The following PDE5A variants were observed in gnomAD, a reference collection of about 807,000 sequenced individuals.
The protein encoded by PDE5A is phosphodiesterase 5A, also known as cGMP-specific 3',5'-cyclic phosphodiesterase.
In PDE5A, 67 loss-of-function variants were observed where a neutral mutation model predicts 110.2. The ratio of observed to expected loss-of-function variants is 0.61; its 90% CI spans 0.50 to 0.75. The LOEUF is 0.75. PDE5A is among the 30% of genes least tolerant of loss of function. The probability of loss-of-function intolerance (pLI) is 0.00; values close to 1 mark genes in which losing one functional copy is unlikely to be tolerated. For synonymous variants in PDE5A, 328 were observed against 351.2 expected (o/e 0.93, Z 0.74); for missense variants, 862 against 1,045.1 (o/e 0.82, Z 2.42).
intron 7 of PDE5A, among the ~76,000 whole-genome samples, chr4:119,555,850 C>G (rs1727517308): frequency 6.6e-6 from 1 of 152,104 alleles, no homozygotes; most frequent in Admixed American, 6.5e-5. Context: ...CTGATGGTTA[C>G]TTTAAGTGAA....
rs1560612966 is a variant in PDE5A, at chr4:119,553,625, T to C, written c.1308+13A>G. The C allele has an allele frequency of 6.2e-6, 8 of 1,284,700 alleles. No individual in the cohort carries two copies. Among genetic ancestry groups the C allele is most frequent in the East Asian group, 4.6e-5 (2 of 43,176 alleles). 79.6% of individuals were successfully genotyped at this position (1,284,700 alleles called of 1,614,324 possible). A position where few individuals can be genotyped will look rare whatever the true frequency, so the allele number is the denominator to read the frequency against. On this transcript the variant is annotated intron_variant, in intron 8 of 20. Transcript: ENST00000354960. ...CAGCCTTCTAGCTTCAAGTCTAAAA[T>C]TGGGTTACTTACTGTCCAGGGAAAT...
At chr4:119,582,335 T>C (rs1335887684) in intron 3 of PDE5A, among the ~76,000 whole-genome samples, 1 of 152,166 alleles carries the variant, frequency 6.6e-6, no homozygotes, top group Non-Finnish European at 1.5e-5. Context: ...AGTTTTATCA[T>C]GAGATTGCGG....
At chr4:119,603,010 CAT>C (rs1262752382) in intron 2 of PDE5A, among the ~76,000 whole-genome samples, 2 of 152,140 alleles carry the variant, frequency 1.3e-5, no homozygotes, top group African/African-American at 4.8e-5. Flanking sequence ...ATCCTTAAGA[CAT>C]ATGAATCATG....
chr4:119,547,477 A>G (rs925745562), intron 9 of PDE5A, among the ~76,000 whole-genome samples: 1 of 151,824 alleles, frequency 6.6e-6, no homozygotes, highest in Admixed American at 6.6e-5. Flanking sequence ...TGGGGAAGGC[A>G]ACAGAGTGAG....
At chr4:119,529,410 C>T (rs1015094745) in intron 11 of PDE5A, among the ~76,000 whole-genome samples, 5 of 152,126 alleles carry the variant, frequency 3.3e-5, no homozygotes, top group Admixed American at 3.3e-4. Context: ...AGACAGCTAA[C>T]AAAAATACAT....
intron 5 of PDE5A, among the ~76,000 whole-genome samples, chr4:119,564,181 T>C (rs766424687): frequency 6.6e-6 from 1 of 151,926 alleles, no homozygotes; most frequent in Non-Finnish European, 1.5e-5. Flanking sequence ...TTGTAGATAA[T>C]AAATATAGCT....
intron 1 of PDE5A, among the ~76,000 whole-genome samples, chr4:119,623,935 A>G (rs539024466): frequency 1.3e-5 from 2 of 152,348 alleles, no homozygotes; most frequent in Admixed American, 6.5e-5. Flanking sequence ...AGGCTCTAAC[A>G]TGGGTCTGAA....
intron 5 of PDE5A, among the ~76,000 whole-genome samples, 165 bp from the exon 6 acceptor site, chr4:119,563,135 TGTTAATATA>T (rs1458857908): frequency 3.9e-5 from 6 of 152,196 alleles, no homozygotes; most frequent in African/African-American, 1.2e-4. Context: ...CTTTATTGAC[TGTTAATATA>T]GTTAATATAG....
At chr4:119,536,537 C>T (rs938319850) in intron 11 of PDE5A, among the ~76,000 whole-genome samples, 2 of 152,224 alleles carry the variant, frequency 1.3e-5, no homozygotes, top group African/African-American at 4.8e-5. Flanking sequence ...TTCATCACTT[C>T]AAATACTGTC....
At chr4:119,532,717 G>A (rs1383992621) in intron 11 of PDE5A, among the ~76,000 whole-genome samples, 1 of 151,902 alleles carries the variant, frequency 6.6e-6, no homozygotes, top group Non-Finnish European at 1.5e-5. Context: ...AAATTATTAC[G>A]TTTCTAATTT....
At chr4:119,585,830 C>T (rs1005535759) in intron 3 of PDE5A, among the ~76,000 whole-genome samples, 1 of 152,174 alleles carries the variant, frequency 6.6e-6, no homozygotes, top group Non-Finnish European at 1.5e-5. Flanking sequence ...ACTACTGCTT[C>T]CTCCTTGCTC....
At chr4:119,628,148 G>A (rs763937761) in intron 1 of PDE5A, 2 of 481,470 alleles carry the variant, frequency 4.2e-6, no homozygotes, top group African/African-American at 4.2e-5. Context: ...GAGCTGCAGG[G>A]AAGGGGCTCA....
In PDE5A at chr4:119,520,945, C is replaced by A; in HGVS notation, c.1895G>T (p.Gly632Val). Residue 632 changes from glycine (G) to valine (V), a missense_variant, in exon 13 of 21, where the codon GGC becomes GTC. By Grantham distance (109) the Gly-to-Val change is moderately radical (BLOSUM62 -3). Coordinates refer to ENST00000354960, the MANE Select transcript of PDE5A (RefSeq NM_001083.4). ...AQCMFAALKAGKIQNKLTDLE... is the reference protein window; with the variant it reads ...AQCMFAALKAVKIQNKLTDLE... ...GGCTCTAAAAAGTACCTGAATTTTGCCTGCTTTTAGAGCAGCAAACATGCA... is the reference window on the plus strand; with the variant it reads ...GGCTCTAAAAAGTACCTGAATTTTGACTGCTTTTAGAGCAGCAAACATGCA... 6.2e-7 allele frequency: 1 copy of A among 1,607,410 alleles called. No individual in the cohort carries two copies. The highest frequency in any genetic ancestry group is 1.3e-5 in the African/African-American group (1 of 74,720).
intron 3 of PDE5A, among the ~76,000 whole-genome samples, chr4:119,575,071 G>C (rs1325575668): frequency 6.6e-6 from 1 of 152,220 alleles, no homozygotes; most frequent in Non-Finnish European, 1.5e-5. Context: ...CGATCAACTG[G>C]AAGAAAGGGT....
intron 7 of PDE5A, among the ~76,000 whole-genome samples, chr4:119,554,902 C>T (rs2110498350): frequency 6.6e-6 from 1 of 152,234 alleles, no homozygotes; most frequent in Non-Finnish European, 1.5e-5. Flanking sequence ...TTAGTGTCTG[C>T]AGATTTTGGT....
chr4:119,517,315 A>G (rs1428580489), intron 14 of PDE5A, among the ~76,000 whole-genome samples: 1 of 152,124 alleles, frequency 6.6e-6, no homozygotes, highest in African/African-American at 2.4e-5. Context: ...ATAGTACTTT[A>G]CATGGGAATA....
intron 11 of PDE5A, 119 bp downstream of exon 11, chr4:119,538,841 C>A (rs1726820391): frequency 1.3e-6 from 1 of 789,130 alleles, no homozygotes; most frequent in African/African-American, 1.7e-5. Context: ...GACTTTGCAT[C>A]CCTGCAAGAA....
At chr4:119,503,358 C>T (rs1397760120) in intron 18 of PDE5A, among the ~76,000 whole-genome samples, 1 of 152,140 alleles carries the variant, frequency 6.6e-6, no homozygotes, top group African/African-American at 2.4e-5. Context: ...CTCTGCAAAA[C>T]ATTATAGCAG....
chr4:119,589,893 C>T (rs1248840363), intron 3 of PDE5A, among the ~76,000 whole-genome samples: 1 of 152,160 alleles, frequency 6.6e-6, no homozygotes, highest in Non-Finnish European at 1.5e-5. Context: ...CACCTCAAGT[C>T]CTGCTTCTGC....
Sources: gnomAD v4.1 joint callset for allele counts (sites outside exome capture counted in the v4.1 genomes callset) on GRCh38, gnomAD v4.1.1 for gene constraint, MANE v1.5 for transcripts, NCBI Gene and HGNC (gene_info 2026-07-23, HGNC 2026-07-21) for gene names.